ANKFY1: variants seen among roughly 807,000 people sequenced by gnomAD.
ANKFY1 encodes ankyrin repeat and FYVE domain containing 1, also known as ankyrin repeat and FYVE domain-containing protein 1.
Under a neutral mutation model 128.3 loss-of-function variants are expected in ANKFY1, and 47 were observed. That is an observed-to-expected ratio of 0.37 (90% CI 0.29 to 0.47). The LOEUF is 0.47. Among genes scored for constraint, ANKFY1 ranks in the 20% least tolerant of loss-of-function variants. ANKFY1 has a pLI of 1.00. For synonymous variants in ANKFY1, 553 were observed against 601.6 expected, an observed-to-expected ratio of 0.92 and a Z score of 1.18; for missense variants, 1,222 against 1,510.6, an observed-to-expected ratio of 0.81 and a Z score of 3.17.
chr17:4,191,682 T>TGCTC, intron 10 of ANKFY1, among the ~76,000 whole-genome samples: 1 of 72,872 alleles, frequency 1.4e-5, no homozygotes, highest in Admixed American at 1.4e-4. Context: ...TAGTTGATGG[T>TGCTC]TAATCTGGAG....
At chr17:4,212,403 G>A (rs904667957) in intron 4 of ANKFY1, among the ~76,000 whole-genome samples, 2 of 152,180 alleles carry the variant, frequency 1.3e-5, no homozygotes, top group African/African-American at 4.8e-5. Flanking sequence ...AAATAAAGAT[G>A]TTACTCTACT....
intron 4 of ANKFY1, among the ~76,000 whole-genome samples, chr17:4,215,763 A>G (rs922836363): frequency 6.6e-6 from 1 of 152,232 alleles, no homozygotes; most frequent in Non-Finnish European, 1.5e-5. Flanking sequence ...TCCAACCCCA[A>G]GACATTTTTA....
intron 14 of ANKFY1, 141 bp downstream of exon 14, chr17:4,183,257 C>T (rs2143004798): frequency 1.1e-6 from 1 of 949,866 alleles, no homozygotes; most frequent in East Asian, 2.4e-5. Flanking sequence ...GATGACACCG[C>T]AGTTGTGTGT....
intron 7 of ANKFY1, among the ~76,000 whole-genome samples, chr17:4,198,936 TGGGA>T: frequency 6.6e-6 from 1 of 151,910 alleles, no homozygotes; most frequent in Admixed American, 6.6e-5. Context: ...AAGGCCGAGG[TGGGA>T]GGATCACTTG....
intron 7 of ANKFY1, among the ~76,000 whole-genome samples, chr17:4,199,166 G>C (rs548450665): frequency 6.6e-6 from 1 of 152,158 alleles, no homozygotes; most frequent in Non-Finnish European, 1.5e-5. Flanking sequence ...ACTCAACAAA[G>C]GCTGAGTAAC....
chr17:4,230,637 C>T (rs2060498208), intron 3 of ANKFY1, among the ~76,000 whole-genome samples: 1 of 151,970 alleles, frequency 6.6e-6, no homozygotes, highest in Non-Finnish European at 1.5e-5. Context: ...ATCTTTTATT[C>T]TTTTTTATTA....
intron 3 of ANKFY1, among the ~76,000 whole-genome samples, chr17:4,229,393 C>A (rs1321008496): frequency 6.6e-5 from 10 of 150,804 alleles, no homozygotes; most frequent in African/African-American, 2.4e-4. Flanking sequence ...CACTGCACTC[C>A]AGCCTGGGTG....
chr17:4,230,628 T>A (rs1293008323), intron 3 of ANKFY1, among the ~76,000 whole-genome samples: 2 of 152,228 alleles, frequency 1.3e-5, no homozygotes, highest in East Asian at 1.9e-4. Context: ...TAAACTTTTA[T>A]CTTTTATTCT....
At chr17:4,186,806 C>G (rs1191203164) in intron 11 of ANKFY1, 1 of 990,298 alleles carries the variant, frequency 1.0e-6, no homozygotes, top group African/African-American at 1.7e-5. Context: ...CGGCTTCTGC[C>G]ATTATCTGCA....
At chr17:4,255,243 CTTTT>C (rs1177087196) in intron 1 of ANKFY1, among the ~76,000 whole-genome samples, 2 of 119,894 alleles carry the variant, frequency 1.7e-5, no homozygotes, top group African/African-American at 6.6e-5. Context: ...TCATGTAATT[CTTTT>C]TTTTTTTTTT....
In ANKFY1 at chr17:4,183,840, C is replaced by G. The variant is rs1201703683; in HGVS notation, c.1770G>C (p.Gln590His). The change falls in exon 13 of 25, where the codon CAG becomes CAC. Residue 590 changes from glutamine (Q) to histidine (H), a missense_variant. Gln to His is a conservative substitution (Grantham distance 24, BLOSUM62 0). Coordinates refer to ENST00000341657, the MANE Select transcript of ANKFY1 (RefSeq NM_001330063.2). ...PDFSLKDSRD[Q>H]TVLGLALWTG... is the part of the protein sequence containing the mutation. The stretch of plus-strand genomic sequence containing the variant: ...TCCATAATGCCAGGCCCAGCACAGT[C>G]TGGTCTCGGGAATCTTTGAGGCTGA... The G allele has an allele frequency of 5.0e-6, 8 of 1,613,706 alleles. No homozygotes were observed. In the Admixed American group the frequency reaches 1.2e-4, roughly 24 times the overall value.
In ANKFY1 at chr17:4,167,226, G is replaced by A. The variant is rs1344420844; in HGVS notation, c.*553C>T. On this transcript the variant is annotated 3_prime_UTR_variant, in exon 25 of 25. Transcript: ENST00000341657. The surrounding 1 kb of genome is among the most constrained non-coding windows in gnomAD (Gnocchi z 4.1). ...GAAAGATTTCACCTTTTTAAAAGGG[G>A]TAGCTCACTAAAAATACAGCTTAGC... 6.6e-6 allele frequency: 1 copy of A among 152,650 alleles called. No homozygotes were observed. The highest frequency in any genetic ancestry group is 2.4e-5 in the African/African-American group (1 of 41,444). 9.5% of individuals were successfully genotyped at this position (152,650 alleles called of 1,614,324 possible).
chr17:4,177,403 G>C (rs76553126), intron 18 of ANKFY1, 101 bp from the exon 19 acceptor site: 1 of 1,086,538 alleles, frequency 9.2e-7, no homozygotes, highest in African/African-American at 1.6e-5. Context: ...TCACGATGGA[G>C]ACCTTCCCTC....
chr17:4,212,669 T>C (rs114186869), intron 4 of ANKFY1, among the ~76,000 whole-genome samples: 1 of 152,036 alleles, frequency 6.6e-6, no homozygotes, highest in Non-Finnish European at 1.5e-5. Flanking sequence ...TCTTAACAGA[T>C]GGGCTTTAGG....
chr17:4,251,065 C>T (rs771433478), intron 1 of ANKFY1, among the ~76,000 whole-genome samples: 1 of 152,124 alleles, frequency 6.6e-6, no homozygotes, highest in Non-Finnish European at 1.5e-5. Flanking sequence ...AGGACAGCAT[C>T]AAACTGGCAT....
chr17:4,204,412 T>C (rs1269954558), intron 7 of ANKFY1, among the ~76,000 whole-genome samples: 2 of 152,246 alleles, frequency 1.3e-5, no homozygotes, highest in African/African-American at 4.8e-5. Context: ...GATTCAAACC[T>C]TGGTGAATAC....
chr17:4,186,796 C>T (rs2059619827), intron 11 of ANKFY1: 21 of 987,908 alleles, frequency 2.1e-5, no homozygotes, highest in South Asian at 1.9e-4. Context: ...ATCTACTCCA[C>T]GGCTTCTGCC....
At chr17:4,242,879 T>C (rs914446298) in intron 1 of ANKFY1, among the ~76,000 whole-genome samples, 35 of 152,334 alleles carry the variant, frequency 2.3e-4, no homozygotes, top group Non-Finnish European at 5.9e-5. Flanking sequence ...CTAAAGATGC[T>C]GACAGGCACT....
At chr17:4,199,461 G>A (rs993766490) in intron 7 of ANKFY1, among the ~76,000 whole-genome samples, 1 of 152,110 alleles carries the variant, frequency 6.6e-6, no homozygotes, top group African/African-American at 2.4e-5. Flanking sequence ...CAAAGTGCTG[G>A]GATTACAGGC....
Sources: allele counts gnomAD v4.1 joint callset (sites outside exome capture counted in the v4.1 genomes callset), GRCh38; gene constraint gnomAD v4.1.1; non-coding constraint Gnocchi (gnomAD v3.1); transcripts MANE v1.5; gene names NCBI Gene and HGNC (gene_info 2026-07-23, HGNC 2026-07-21).